Variants in ATXN10 observed in about 807,000 individuals in gnomAD.
ATXN10 encodes the protein ataxin-10.
In ATXN10, 28 loss-of-function variants were observed where a neutral mutation model predicts 52.9. The ratio of observed to expected loss-of-function variants is 0.53; its 90% CI spans 0.39 to 0.73. The LOEUF (loss-of-function observed/expected upper bound fraction) is 0.73, where lower values mean the gene tolerates loss of function less well. ATXN10 is among the 30% of genes least tolerant of loss of function. The pLI is 0.00. For synonymous variants in ATXN10, 226 were observed against 221.5 expected (o/e 1.02, Z -0.18); for missense variants, 565 against 577.0 (o/e 0.98, Z 0.21).
rs1264971141 is a variant in ATXN10, at chr22:45,733,826, T to C, written c.894+4236T>C. Among the ~76,000 whole-genome samples, 1 of 151,978 alleles carries C rather than the reference T, an allele frequency of 6.6e-6. No homozygotes were observed. The highest frequency in any genetic ancestry group is 1.5e-5 in the Non-Finnish European group (1 of 67,966). ...TCCATTTGTTTTCTATAGATCTGCA[T>C]ATCCTTTTTTTTTTGTTTTCTTTTC... is the stretch of plus-strand genomic sequence containing the variant. On this transcript the variant is annotated intron_variant, in intron 7 of 11. Coordinates refer to ENST00000252934, the MANE Select transcript of ATXN10 (RefSeq NM_013236.4). This position sits in a 1 kb window ranked among gnomAD's most constrained non-coding sequence, Gnocchi z 4.4.
At chr22:45,803,364 C>T (rs1927989939) in intron 9 of ATXN10, among the ~76,000 whole-genome samples, 1 of 152,166 alleles carries the variant, frequency 6.6e-6, no homozygotes, top group Non-Finnish European at 1.5e-5. Context: ...CAAAACACTC[C>T]CACAGTCCCC....
intron 5 of ATXN10, among the ~76,000 whole-genome samples, chr22:45,714,762 G>A (rs568514875): frequency 1.7e-4 from 26 of 152,244 alleles, no homozygotes; most frequent in African/African-American, 5.1e-4. Flanking sequence ...GTGTTCCGTA[G>A]TTTTGATAAT....
chr22:45,786,368 G>A lies in ATXN10; in HGVS notation c.1174-20591G>A, dbSNP rs1329329359. 6.6e-6 allele frequency among the ~76,000 whole-genome samples: 1 copy of A among 152,176 alleles called. No homozygotes were observed. The highest frequency in any genetic ancestry group is 1.5e-5 in the Non-Finnish European group (1 of 68,026). On this transcript the variant is annotated intron_variant, in intron 9 of 11. Transcript: ENST00000252934. The surrounding 1 kb of genome is among the most constrained non-coding windows in gnomAD (Gnocchi z 4.1). ...TCTCTGGATTCCTTTCTTTTTGGAGGTGTCATGGGGAGCAGGGTTAGTTTA... is the reference window on the plus strand; with the variant it reads ...TCTCTGGATTCCTTTCTTTTTGGAGATGTCATGGGGAGCAGGGTTAGTTTA...
chr22:45,761,455 TCA>T (rs1007022863), intron 9 of ATXN10, among the ~76,000 whole-genome samples: 7 of 152,256 alleles, frequency 4.6e-5, no homozygotes, highest in African/African-American at 1.7e-4. Context: ...TTCATTGTTT[TCA>T]CAGTTAAACT....
intron 9 of ATXN10, among the ~76,000 whole-genome samples, chr22:45,785,176 A>G (rs1468621631): frequency 1.3e-5 from 2 of 152,162 alleles, no homozygotes; most frequent in African/African-American, 4.8e-5. Context: ...TGCTCTCTCA[A>G]GTCATGTCTT....
At chr22:45,713,857 A>G (rs890496307) in intron 5 of ATXN10, among the ~76,000 whole-genome samples, 4 of 152,106 alleles carry the variant, frequency 2.6e-5, no homozygotes, top group African/African-American at 7.2e-5. Flanking sequence ...CTTTCATTGT[A>G]TGAATATACC....
chr22:45,761,749 G>A (rs1266904364), intron 9 of ATXN10, among the ~76,000 whole-genome samples: 1 of 151,942 alleles, frequency 6.6e-6, no homozygotes, highest in East Asian at 1.9e-4. Flanking sequence ...TCCACCTCAG[G>A]GAATATCAAA....
chr22:45,740,603 A>G (rs989990079), intron 9 of ATXN10, 65 bp downstream of exon 9: 1 of 1,525,608 alleles, frequency 6.6e-7, no homozygotes. Flanking sequence ...TCCTTGGAAG[A>G]CATTCACTCT....
chr22:45,738,601 T>C (rs974328119), intron 7 of ATXN10, 130 bp from the exon 8 acceptor site: 9 of 800,284 alleles, frequency 1.1e-5, no homozygotes, highest in Non-Finnish European at 1.8e-5. Context: ...GTTTTGTTTT[T>C]CTCTTTGACT....
chr22:45,778,411 C>T (rs1161443676), intron 9 of ATXN10, among the ~76,000 whole-genome samples: 6 of 152,256 alleles, frequency 3.9e-5, no homozygotes, highest in African/African-American at 1.2e-4. Context: ...TTGTACATGC[C>T]TCCTAGGGAG....
Position 45,696,654 on chromosome 22 carries a change from T to C in ATXN10, c.391+3576T>C, listed in dbSNP as rs759902496. Among the ~76,000 whole-genome samples, 1 of 152,212 alleles carries C rather than the reference T, an allele frequency of 6.6e-6. No homozygotes were observed. Among genetic ancestry groups the C allele is most frequent in the Non-Finnish European group, 1.5e-5 (1 of 68,042 alleles). The stretch of plus-strand genomic sequence containing the variant: ...AAGTAATATGCCCTCCCATTTTTCA[T>C]TTAAAAATATCTTCTTTTGACTCCA... On this transcript the variant is annotated intron_variant, in intron 3 of 11. Coordinates refer to ENST00000252934, the MANE Select transcript of ATXN10 (RefSeq NM_013236.4). This position sits in a 1 kb window ranked among gnomAD's most constrained non-coding sequence, Gnocchi z 4.7.
At chr22:45,839,622 G>A (rs981308544) in intron 10 of ATXN10, among the ~76,000 whole-genome samples, 2 of 152,198 alleles carry the variant, frequency 1.3e-5, no homozygotes, top group Admixed American at 6.5e-5. Context: ...AGGGTGAGTT[G>A]CTATTAAAAT....
Position 45,718,561 on chromosome 22 carries a change from G to A in ATXN10, c.728+68G>A. The A allele has an allele frequency of 2.2e-6, 3 of 1,336,404 alleles. No homozygotes were observed. Among genetic ancestry groups the A allele is most frequent in the Non-Finnish European group, 2.2e-6 (2 of 927,288 alleles). The allele number at this position is 1,336,404 out of a possible 1,614,324, so 82.8% of individuals were successfully genotyped here. On this transcript the variant is annotated intron_variant, in intron 6 of 11. Coordinates refer to ENST00000252934, the MANE Select transcript of ATXN10 (RefSeq NM_013236.4). The surrounding 1 kb of genome is among the most constrained non-coding windows in gnomAD (Gnocchi z 4.4). ...TATAGGGTATTCGATGCACGTGACTGAAAAGCTGTGTGGTTTCTGAGTTGG... is the reference window on the plus strand; with the variant it reads ...TATAGGGTATTCGATGCACGTGACTAAAAAGCTGTGTGGTTTCTGAGTTGG...
chr22:45,804,215 A>AG (rs1308184704), intron 9 of ATXN10, among the ~76,000 whole-genome samples: 1 of 152,204 alleles, frequency 6.6e-6, no homozygotes, highest in East Asian at 1.9e-4. Flanking sequence ...AGCACTTATT[A>AG]GGTCAGTGAC....
At chr22:45,693,661 G>A (rs1216065576) in intron 3 of ATXN10, among the ~76,000 whole-genome samples, 1 of 152,128 alleles carries the variant, frequency 6.6e-6, no homozygotes, top group African/African-American at 2.4e-5. Context: ...TCATAGCATG[G>A]TCCTAACCCC....
In ATXN10 at chr22:45,733,053, A is replaced by G. The variant is rs138165; in HGVS notation, c.894+3463A>G. Among the ~76,000 whole-genome samples the G allele has an allele frequency of 0.048, 7,306 of 152,252 alleles. 481 individuals are homozygous for G. The highest frequency in any genetic ancestry group is 0.16 in the African/African-American group (6,593 of 41,520). ...AATGTACTTATTCCTGTCTTTTGAT[A>G]TATTTTGTATACTTGTTTCCAGTTT... On this transcript the variant is annotated intron_variant, in intron 7 of 11. Coordinates refer to ENST00000252934, the MANE Select transcript of ATXN10 (RefSeq NM_013236.4). This position sits in a 1 kb window ranked among gnomAD's most constrained non-coding sequence, Gnocchi z 4.4.
chr22:45,803,599 A>C (rs931301274), intron 9 of ATXN10, among the ~76,000 whole-genome samples: 1 of 152,190 alleles, frequency 6.6e-6, no homozygotes, highest in Non-Finnish European at 1.5e-5. Context: ...CTTTCCTCTC[A>C]GTGACACTTA....
rs561341338 is a variant in ATXN10 at position 45,750,366 on chromosome 22, G to A, written c.1173+9828G>A. On this transcript the variant is annotated intron_variant, in intron 9 of 11. Coordinates refer to ENST00000252934, the MANE Select transcript of ATXN10 (RefSeq NM_013236.4). The surrounding 1 kb of genome is among the most constrained non-coding windows in gnomAD (Gnocchi z 4.2). ...CCACCTTGGCCTCCCAAAGTGCTAG[G>A]ATTACAGGTGTGAGTCACCACGCCC... Among the ~76,000 whole-genome samples, 4 of 152,220 alleles carry A rather than the reference G, an allele frequency of 2.6e-5. No individual in the cohort carries two copies. The East Asian group carries it at 7.7e-4, about 29-fold the overall frequency.
At chr22:45,691,500 T>C (rs1923373907) in intron 2 of ATXN10, among the ~76,000 whole-genome samples, 1 of 152,254 alleles carries the variant, frequency 6.6e-6, no homozygotes, top group Admixed American at 6.5e-5. Flanking sequence ...GAGTCACTTG[T>C]TAAGTGAGAG....
Sources: allele counts gnomAD v4.1 joint callset (sites outside exome capture counted in the v4.1 genomes callset), GRCh38; gene constraint gnomAD v4.1.1; non-coding constraint Gnocchi (gnomAD v3.1); transcripts MANE v1.5; gene names NCBI Gene and HGNC (gene_info 2026-07-23, HGNC 2026-07-21).